ZNF143: variants seen among roughly 807,000 people sequenced by gnomAD.
ZNF143 encodes the protein SPH-binding factor.
Under a neutral mutation model 74.1 loss-of-function variants are expected in ZNF143, and 49 were observed. That is an observed-to-expected ratio of 0.66 (90% CI 0.53 to 0.84). The LOEUF (loss-of-function observed/expected upper bound fraction) is 0.84, where lower values mean the gene tolerates loss of function less well. Among genes scored for constraint, ZNF143 ranks in the 40% least tolerant of loss-of-function variants. The probability of loss-of-function intolerance (pLI) is 0.00; values close to 1 mark genes in which losing one functional copy is unlikely to be tolerated. For missense variants in ZNF143, 637 were observed against 793.4 expected (o/e 0.80, Z 2.37); for synonymous variants, 304 against 282.8 (o/e 1.07, Z -0.75).
chr11:9,466,515 C>G (rs1312906511), intron 1 of ZNF143, among the ~76,000 whole-genome samples: 1 of 144,522 alleles, frequency 6.9e-6, no homozygotes, highest in African/African-American at 2.6e-5. Flanking sequence ...AGGGTGGTCT[C>G]GAACTCCTGA....
Position 9,472,321 on chromosome 11 carries a change from C to T in ZNF143, c.113-356C>T, listed in dbSNP as rs574660777. 4.6e-5 allele frequency among the ~76,000 whole-genome samples: 7 copies of T among 152,212 alleles called. No homozygotes were observed. The South Asian group carries it at 6.2e-4, about 14-fold the overall frequency. ...AGGCTGGAGGGCAGTGGCACAATCT[C>T]GGCTCACTGCAACCTCTGCCTCCTG... On this transcript the variant is annotated intron_variant, in intron 2 of 15. Coordinates refer to ENST00000396602, the MANE Select transcript of ZNF143 (RefSeq NM_003442.6).
Position 9,503,951 on chromosome 11 carries a change from C to CTT in ZNF143, c.1147+2706_1147+2707dup, listed in dbSNP as rs35371465. Among the ~76,000 whole-genome samples, 267 of 53,100 alleles carry CTT rather than the reference C, an allele frequency of 5.0e-3. 59 individuals are homozygous for CTT. Among genetic ancestry groups the CTT allele is most frequent in the African/African-American group, 0.013 (220 of 16,640 alleles). 34.8% of individuals were successfully genotyped at this position (53,100 alleles called of 152,430 possible). A position where few individuals can be genotyped will look rare whatever the true frequency, so the allele number is the denominator to read the frequency against. On this transcript the variant is annotated intron_variant, in intron 11 of 15. Coordinates refer to ENST00000396602, the MANE Select transcript of ZNF143 (RefSeq NM_003442.6). ...ACAGGCATGAGCCACCACGCCTTGC[C>CTT]TTTTTTTTTTTTTTTTTTTTTTTTT...
At chr11:9,496,218 T>C in intron 8 of ZNF143, 85 bp from the exon 9 acceptor site, 1 of 1,150,608 alleles carries the variant, frequency 8.7e-7, no homozygotes, top group Non-Finnish European at 1.3e-6. Context: ...CATTTAGCAG[T>C]GTGGGAAAAA....
intron 13 of ZNF143, among the ~76,000 whole-genome samples, chr11:9,513,439 A>AT (rs1759343175): frequency 6.6e-6 from 1 of 152,232 alleles, no homozygotes; most frequent in African/African-American, 2.4e-5. Context: ...TTAATTCTGC[A>AT]TCAGCCTTAA....
rs537389528 is a variant in ZNF143 at position 9,467,527 on chromosome 11, T to C, written c.-7-3775T>C. 3.9e-5 allele frequency among the ~76,000 whole-genome samples: 6 copies of C among 152,092 alleles called. No homozygotes were observed. The East Asian group carries it at 9.7e-4, about 25-fold the overall frequency. On this transcript the variant is annotated intron_variant, in intron 1 of 15. Transcript: ENST00000396602. ...CTGGGATTATAGGTGTGAGCCACCA[T>C]GCCCAACAAGAAAAATTTTAAAGGG...
chr11:9,483,286 G>GC (rs1384100800), intron 7 of ZNF143, among the ~76,000 whole-genome samples: 2 of 68,462 alleles, frequency 2.9e-5, no homozygotes, highest in African/African-American at 1.0e-4. Context: ...GAGCCAACAT[G>GC]CCTTTTTTTT....
In ZNF143 at chr11:9,501,258, A is replaced by T; in HGVS notation, c.1135A>T (p.Arg379Trp). Residue 379 changes from arginine to tryptophan, a missense_variant, in exon 11 of 16, where the codon AGG becomes TGG. Arg to Trp is a moderately radical substitution (Grantham distance 101). This residue lies in a region of ZNF143 where 344 missense variants were observed against 485.6 expected (regional missense o/e 0.71). Transcript: ENST00000396602. ...ASATNYKNHV[R>W]IHTGEKPYVC... ...TGCAACAAATTATAAAAACCATGTG[A>T]GGATACACACAGGTAACAATCTCTG... 6.2e-7 allele frequency: 1 copy of T among 1,614,156 alleles called. No homozygotes were observed. Among genetic ancestry groups the T allele is most frequent in the Non-Finnish European group, 8.5e-7 (1 of 1,180,012 alleles).
intron 5 of ZNF143, among the ~76,000 whole-genome samples, chr11:9,477,165 T>TCCTTCCTTCCTC (rs1273449678): frequency 7.7e-6 from 1 of 129,118 alleles, no homozygotes; most frequent in Non-Finnish European, 1.6e-5. Flanking sequence ...CTTCCTTCCT[T>TCCTTCCTTCCTC]CCTTCCTCCT....
intron 2 of ZNF143, 86 bp downstream of exon 2, chr11:9,471,506 T>A: frequency 1.0e-6 from 1 of 996,118 alleles, no homozygotes; most frequent in Non-Finnish European, 1.4e-6. Context: ...GTTCCTGATT[T>A]AGCAGAAAAC....
chr11:9,470,248 A>G (rs548859875), intron 1 of ZNF143, among the ~76,000 whole-genome samples: 16 of 152,326 alleles, frequency 1.1e-4, no homozygotes, highest in African/African-American at 3.6e-4. Context: ...TACTTCTACT[A>G]TGGGCCAAGC....
At chr11:9,520,504 A>T (rs1360310905) in intron 14 of ZNF143, among the ~76,000 whole-genome samples, 2 of 151,914 alleles carry the variant, frequency 1.3e-5, no homozygotes, top group African/African-American at 4.8e-5. Flanking sequence ...AAAAAAAATA[A>T]AAAAGAGGCC....
chr11:9,478,383 C>T lies in ZNF143; in HGVS notation c.374-7C>T, dbSNP rs1455694093. The stretch of plus-strand genomic sequence containing the variant: ...TAATTTAATGGCATTCTCTTCCACT[C>T]TCTCAGATAGTTATGACCAGAGTGC... On this transcript the variant is annotated splice_region_variant and splice_polypyrimidine_tract_variant and intron_variant, in intron 5 of 15. Coordinates refer to ENST00000396602, the MANE Select transcript of ZNF143 (RefSeq NM_003442.6). The T allele has an allele frequency of 3.1e-6, 5 of 1,604,582 alleles. No homozygotes were observed. In the East Asian group the frequency reaches 6.7e-5, roughly 22 times the overall value.
In ZNF143 at chr11:9,514,528, G is replaced by A. The variant is rs78229180; in HGVS notation, c.1525-1673G>A. On this transcript the variant is annotated intron_variant, in intron 13 of 15. Coordinates refer to ENST00000396602, the MANE Select transcript of ZNF143 (RefSeq NM_003442.6). The stretch of plus-strand genomic sequence containing the variant: ...AGAATGAATAATTTTTCATAATGAC[G>A]TGTATATAATTGAGAGATACAGAAA... Among the ~76,000 whole-genome samples, 223 of 152,278 alleles carry A rather than the reference G, an allele frequency of 1.5e-3. 2 individuals carry two copies. The highest frequency in any genetic ancestry group is 5.1e-3 in the African/African-American group (213 of 41,562).
chr11:9,477,690 C>G (rs1211752308), intron 5 of ZNF143, among the ~76,000 whole-genome samples: 1 of 152,054 alleles, frequency 6.6e-6, no homozygotes, highest in East Asian at 1.9e-4. Context: ...ATAGATATAT[C>G]TTAGTGTGGA....
At chr11:9,522,015 G>A (rs1302043554) in intron 14 of ZNF143, among the ~76,000 whole-genome samples, 1 of 147,074 alleles carries the variant, frequency 6.8e-6, no homozygotes, top group Admixed American at 7.0e-5. Context: ...GCAGTGAACT[G>A]AGGTAGCACA....
At chr11:9,523,456 G>A (rs1449337439) in intron 14 of ZNF143, among the ~76,000 whole-genome samples, 2 of 152,130 alleles carry the variant, frequency 1.3e-5, no homozygotes, top group Non-Finnish European at 2.9e-5. Flanking sequence ...ATTTGAGGCC[G>A]GGCGCGGTGG....
intron 7 of ZNF143, among the ~76,000 whole-genome samples, chr11:9,487,091 C>G (rs559954187): frequency 6.6e-6 from 1 of 150,472 alleles, no homozygotes; most frequent in African/African-American, 2.5e-5. Context: ...CTCAGCCTCC[C>G]GAGTAGCTGG....
At chr11:9,497,874 A>C in intron 10 of ZNF143, 74 bp downstream of exon 10, 1 of 1,110,772 alleles carries the variant, frequency 9.0e-7, no homozygotes, top group Non-Finnish European at 1.2e-6. Flanking sequence ...TCTGTCGCCT[A>C]GGCTGGAGTG....
chr11:9,486,404 ATATATATAATATATAT>A (rs1565039063), intron 7 of ZNF143, among the ~76,000 whole-genome samples: 12 of 22,364 alleles, frequency 5.4e-4, no homozygotes, highest in African/African-American at 2.3e-3. Context: ...ATAATATATT[ATATATATAATATATAT>A]TATATATATT....
Sources: gnomAD v4.1 joint callset for allele counts (sites outside exome capture counted in the v4.1 genomes callset) on GRCh38, gnomAD v4.1.1 for gene constraint, gnomAD v4.1.1 regional missense constraint, MANE v1.5 for transcripts, NCBI Gene and HGNC (gene_info 2026-07-23, HGNC 2026-07-21) for gene names.